MYCBP2: variants seen among roughly 807,000 people sequenced by gnomAD.
MYCBP2 encodes the protein E3 ubiquitin-protein ligase MYCBP2.
MYCBP2 carries 120 observed loss-of-function variants against 525.3 expected under a neutral mutation model. That is an observed-to-expected ratio of 0.23 (90% CI 0.20 to 0.27). The LOEUF (loss-of-function observed/expected upper bound fraction) is 0.27, where lower values mean the gene tolerates loss of function less well. Among genes scored for constraint, MYCBP2 ranks in the 10% least tolerant of loss-of-function variants. MYCBP2 has a pLI of 1.00. For synonymous variants in MYCBP2, 1,894 were observed against 1,955.8 expected, an observed-to-expected ratio of 0.97 and a Z score of 0.83; for missense variants, 4,149 against 5,657.1, an observed-to-expected ratio of 0.73 and a Z score of 8.55.
At chr13:77,249,275 G>A (rs943431650) in intron 15 of MYCBP2, among the ~76,000 whole-genome samples, 4 of 152,120 alleles carry the variant, frequency 2.6e-5, no homozygotes, top group African/African-American at 9.7e-5. Flanking sequence ...AATTTTATAT[G>A]TACTTTATCA....
rs781466888 is a variant in MYCBP2 at position 77,158,125 on chromosome 13, G to A, written c.6598-16C>T. On this transcript the variant is annotated splice_polypyrimidine_tract_variant and intron_variant, in intron 44 of 82. Coordinates refer to ENST00000544440, the MANE Select transcript of MYCBP2 (RefSeq NM_015057.5). ...TTTTGCACACCTGTTAAGTAAAAAAGAATATTTATATATTCTTAAAAATAA... is the reference window on the plus strand; with the variant it reads ...TTTTGCACACCTGTTAAGTAAAAAAAAATATTTATATATTCTTAAAAATAA... 4.7e-6 allele frequency: 7 copies of A among 1,498,270 alleles called. No individual in the cohort carries two copies. The highest frequency in any genetic ancestry group is 4.9e-5 in the East Asian group (2 of 40,974). 92.8% of individuals were successfully genotyped at this position (1,498,270 alleles called of 1,614,324 possible).
At chr13:77,053,379 A>G (rs1194858469) in intron 80 of MYCBP2, among the ~76,000 whole-genome samples, 1 of 152,240 alleles carries the variant, frequency 6.6e-6, no homozygotes, top group Admixed American at 6.5e-5. Context: ...TGATTGTCTC[A>G]TAGTCAAAAA....
chr13:77,191,853 C>T, intron 27 of MYCBP2, 40 bp from the exon 28 acceptor site: 1 of 1,593,718 alleles, frequency 6.3e-7, no homozygotes, highest in Non-Finnish European at 8.6e-7. Flanking sequence ...TATTTTCTTA[C>T]TTCTCTGTCA....
In MYCBP2 at chr13:77,185,110, A is replaced by T. The variant is rs754591205; in HGVS notation, c.4712T>A (p.Leu1571Ter). 1 of 1,613,588 alleles carries T rather than the reference A, an allele frequency of 6.2e-7. No homozygotes were observed. Among genetic ancestry groups the T allele is most frequent in the Non-Finnish European group, 8.5e-7 (1 of 1,179,636 alleles). ...TTTACAAACTTAAATTACCTGATCCAAACAATTCAGCAGATCACAAAGGCA... is the reference window on the plus strand; with the variant it reads ...TTTACAAACTTAAATTACCTGATCCTAACAATTCAGCAGATCACAAAGGCA... Reference protein sequence around the residue: ...WACLCDLLNCLDQDIQEANFK... With the variant: ...WACLCDLLNC Residue 1571 changes from leucine to a stop codon, truncating the protein, a stop_gained, in exon 32 of 83, where the codon TTG becomes TAG. Coordinates refer to ENST00000544440, the MANE Select transcript of MYCBP2 (RefSeq NM_015057.5). LOFTEE classifies it high-confidence loss of function.
chr13:77,085,744 G>A (rs2044145935), intron 62 of MYCBP2, among the ~76,000 whole-genome samples: 2 of 152,094 alleles, frequency 1.3e-5, no homozygotes, highest in Non-Finnish European at 1.5e-5. Flanking sequence ...CAGCATTCTG[G>A]AGGATAAAAG....
At chr13:77,067,435 C>T in intron 71 of MYCBP2, 146 bp downstream of exon 71, 2 of 756,584 alleles carry the variant, frequency 2.6e-6, no homozygotes, top group Non-Finnish European at 4.2e-6. Context: ...TTATTATATA[C>T]ATGACCTTTT....
chr13:77,202,543 A>G (rs1291560598), intron 26 of MYCBP2, among the ~76,000 whole-genome samples: 1 of 152,160 alleles, frequency 6.6e-6, no homozygotes, highest in East Asian at 1.9e-4. Flanking sequence ...AACTCATTTT[A>G]TGAGGCCAGC....
chr13:77,207,671 ATATAT>A (rs1306095049), intron 23 of MYCBP2, among the ~76,000 whole-genome samples: 2 of 152,198 alleles, frequency 1.3e-5, no homozygotes, highest in East Asian at 3.8e-4. Context: ...TTGGGAGAAA[ATATAT>A]TATGGTAGCT....
chr13:77,212,340 T>C (rs1050582777), intron 21 of MYCBP2, among the ~76,000 whole-genome samples, 180 bp from the exon 22 acceptor site: 27 of 152,280 alleles, frequency 1.8e-4, no homozygotes, highest in African/African-American at 6.5e-4. Flanking sequence ...TATAAAGTAA[T>C]AAAATAATTT....
intron 1 of MYCBP2, among the ~76,000 whole-genome samples, chr13:77,302,949 T>A (rs1345542145): frequency 6.6e-6 from 1 of 152,178 alleles, no homozygotes; most frequent in Non-Finnish European, 1.5e-5. Flanking sequence ...AAAATACAAA[T>A]CCACAATTGA....
Position 77,125,388 on chromosome 13 carries a change from T to C in MYCBP2, c.7965A>G (p.Ala2655=). ...VEFCESDEGE[A]WSLARDRGGN... is the part of the protein sequence containing the mutation. Reference sequence around the variant, plus strand: ...CGCCTCTGTCTCTAGCTAAGGACCATGCCTCTCCTTCATCACTCTCACAGA... The same window carrying C: ...CGCCTCTGTCTCTAGCTAAGGACCACGCCTCTCCTTCATCACTCTCACAGA... Residue 2655 remains alanine (A), a synonymous_variant, in exon 54 of 83, where the codon GCA becomes GCG. Transcript: ENST00000544440. 6.2e-7 allele frequency: 1 copy of C among 1,614,024 alleles called. No individual in the cohort carries two copies. The highest frequency in any genetic ancestry group is 8.5e-7 in the Non-Finnish European group (1 of 1,179,882).
At chr13:77,066,680 G>A (rs1366292418) in intron 71 of MYCBP2, among the ~76,000 whole-genome samples, 1 of 152,068 alleles carries the variant, frequency 6.6e-6, no homozygotes, top group Non-Finnish European at 1.5e-5. Context: ...AATATAGTTA[G>A]ATATTATAAA....
chr13:77,325,776 C>T (rs2082214014), intron 1 of MYCBP2, among the ~76,000 whole-genome samples: 1 of 152,206 alleles, frequency 6.6e-6, no homozygotes, highest in Admixed American at 6.5e-5. Flanking sequence ...GTAACTGCAA[C>T]CTCATTTCTA....
At position 77,064,716 on chromosome 13, in the gene MYCBP2, A is replaced by C; in HGVS notation, c.12571T>G (p.Trp4191Gly). The change falls in exon 73 of 83, where the codon TGG becomes GGG. Residue 4191 changes from tryptophan to glycine, a missense_variant. Transcript: ENST00000544440. ...DMAAGHLSEA[W>G]SRVTKNAIAE... Reference sequence around the variant, plus strand: ...ATAGCATTTTTTGTCACTCGGGACCAAGCTTCTGACAGATGACCCTATTGA... The same window carrying C: ...ATAGCATTTTTTGTCACTCGGGACCCAGCTTCTGACAGATGACCCTATTGA... 1 of 1,613,822 alleles carries C rather than the reference A, an allele frequency of 6.2e-7. No homozygotes were observed. The highest frequency in any genetic ancestry group is 8.5e-7 in the Non-Finnish European group (1 of 1,179,788).
intron 12 of MYCBP2, 67 bp downstream of exon 12, chr13:77,261,104 A>T (rs533985338): frequency 7.7e-7 from 1 of 1,295,308 alleles, no homozygotes; most frequent in Non-Finnish European, 1.1e-6. Context: ...TTATCTTAAT[A>T]AAGTTTTATT....
chr13:77,191,642 T>A, intron 28 of MYCBP2, 37 bp downstream of exon 28: 1 of 1,595,518 alleles, frequency 6.3e-7, no homozygotes, highest in Non-Finnish European at 8.6e-7. Flanking sequence ...CTAACAAAAA[T>A]AAGTATTGCT....
chr13:77,067,470 A>G, intron 71 of MYCBP2, 111 bp downstream of exon 71: 1 of 1,148,942 alleles, frequency 8.7e-7, no homozygotes, highest in Non-Finnish European at 1.2e-6. Flanking sequence ...TTGTTTATGG[A>G]TTTTATTTGG....
intron 68 of MYCBP2, among the ~76,000 whole-genome samples, chr13:77,072,697 G>C (rs2041588576): frequency 6.6e-6 from 1 of 151,980 alleles, no homozygotes; most frequent in Non-Finnish European, 1.5e-5. Context: ...CATCACTACA[G>C]GTTCTACAGA....
intron 8 of MYCBP2, among the ~76,000 whole-genome samples, chr13:77,264,368 C>T (rs1002828224): frequency 2.0e-5 from 3 of 152,082 alleles, no homozygotes; most frequent in African/African-American, 7.2e-5. Flanking sequence ...TACTCTCAGA[C>T]ATACATCACA....
Sources: allele counts gnomAD v4.1 joint callset (sites outside exome capture counted in the v4.1 genomes callset), GRCh38; gene constraint gnomAD v4.1.1; transcripts MANE v1.5; gene names NCBI Gene and HGNC (gene_info 2026-07-23, HGNC 2026-07-21).